PTPRD: variants seen among roughly 807,000 people sequenced by gnomAD.
PTPRD encodes receptor-type tyrosine-protein phosphatase delta.
Under a neutral mutation model 214.5 loss-of-function variants are expected in PTPRD, and 34 were observed. The ratio of observed to expected loss-of-function variants is 0.16; its 90% CI spans 0.12 to 0.21. The LOEUF (loss-of-function observed/expected upper bound fraction) is 0.21, where lower values mean the gene tolerates loss of function less well. PTPRD is among the 10% of genes least tolerant of loss of function. The pLI, the probability that PTPRD is intolerant of heterozygous loss-of-function variation, is 1.00. For synonymous variants in PTPRD, 1,128 were observed against 845.7 expected (o/e 1.33, Z -5.79); for missense variants, 2,545 against 2,398.7 (o/e 1.06, Z -1.27).
intron 34 of PTPRD, among the ~76,000 whole-genome samples, chr9:8,443,936 A>T (rs776950095): frequency 6.6e-6 from 1 of 152,334 alleles, no homozygotes; most frequent in East Asian, 1.9e-4. Flanking sequence ...ATCTTTTAAT[A>T]ATATTATGTT....
chr9:9,089,054 A>C (rs2099771784), intron 10 of PTPRD, among the ~76,000 whole-genome samples: 2 of 152,176 alleles, frequency 1.3e-5, no homozygotes, highest in Admixed American at 6.5e-5. Context: ...AGTAAAAAGA[A>C]GGTCTTTCTC....
At position 9,333,504 on chromosome 9, in the gene PTPRD, T is replaced by TATATATATATATATATATATATATATATA. The variant is rs1555249397; in HGVS notation, c.-203+63944_-203+63945insTATATATATATATATATATATATATATAT. 2.3e-3 allele frequency among the ~76,000 whole-genome samples: 309 copies of TATATATATATATATATATATATATATATA among 137,136 alleles called. 14 individuals carry two copies. The highest frequency in any genetic ancestry group is 8.5e-3 in the African/African-American group (292 of 34,204). 90.0% of individuals were successfully genotyped at this position (137,136 alleles called of 152,430 possible). A position where few individuals can be genotyped will look rare whatever the true frequency, so the allele number is the denominator to read the frequency against. The stretch of plus-strand genomic sequence containing the variant: ...TAAAACATATATATTATATAGTATA[T>TATATATATATATATATATATATATATATA]TATATATATATATATATATATAAAG... On this transcript the variant is annotated intron_variant, in intron 9 of 45. Coordinates refer to ENST00000381196, the MANE Select transcript of PTPRD (RefSeq NM_002839.4).
intron 5 of PTPRD, among the ~76,000 whole-genome samples, chr9:9,865,775 T>C (rs1022389982): frequency 7.9e-5 from 12 of 152,250 alleles, no homozygotes; most frequent in Admixed American, 5.9e-4. Flanking sequence ...CTTGGGTATT[T>C]ATTATAACAT....
At chr9:10,567,693 A>G (rs2066045379) in intron 2 of PTPRD, among the ~76,000 whole-genome samples, 1 of 151,932 alleles carries the variant, frequency 6.6e-6, no homozygotes, top group African/African-American at 2.4e-5. Context: ...CATTGTTTTA[A>G]AAAAACCTTT....
At chr9:10,454,531 G>C (rs1320104936) in intron 2 of PTPRD, among the ~76,000 whole-genome samples, 2 of 151,600 alleles carry the variant, frequency 1.3e-5, no homozygotes, top group East Asian at 3.9e-4. Flanking sequence ...ACTCACAGTA[G>C]ACTATGCCTC....
At chr9:8,453,619 T>C (rs751801701) in intron 33 of PTPRD, among the ~76,000 whole-genome samples, 41 of 152,366 alleles carry the variant, frequency 2.7e-4, no homozygotes, top group Non-Finnish European at 5.3e-4. Context: ...AAGATTCTTA[T>C]CATTGAACAT....
At position 10,497,689 on chromosome 9, in the gene PTPRD, G is replaced by C. The variant is rs531775823; in HGVS notation, c.-600+114709C>G. ...AAATTTTAAGCAAATTTATTGTTGA[G>C]AATATAAAATTATGTTTAAAAAGAA... On this transcript the variant is annotated intron_variant, in intron 2 of 45. Transcript: ENST00000381196. Among the ~76,000 whole-genome samples the C allele has an allele frequency of 3.9e-5, 6 of 151,988 alleles. No individual in the cohort carries two copies. In the South Asian group the frequency reaches 1.2e-3, roughly 32 times the overall value.
intron 10 of PTPRD, among the ~76,000 whole-genome samples, chr9:9,091,575 G>A (rs2099775967): frequency 6.6e-6 from 1 of 152,096 alleles, no homozygotes; most frequent in Non-Finnish European, 1.5e-5. Flanking sequence ...ATAGTAATAA[G>A]CCTATTCAGC....
At chr9:10,209,481 C>T (rs539528813) in intron 3 of PTPRD, among the ~76,000 whole-genome samples, 97 of 152,196 alleles carry the variant, frequency 6.4e-4, no homozygotes, top group Middle Eastern at 3.4e-3. Flanking sequence ...TCAATTCAAA[C>T]TTGTTTCCCT....
intron 10 of PTPRD, among the ~76,000 whole-genome samples, chr9:9,125,168 C>T (rs189401893): frequency 6.6e-6 from 1 of 152,168 alleles, no homozygotes; most frequent in Non-Finnish European, 1.5e-5. Context: ...GAGCAGCTAT[C>T]CTTAGCAGAA....
chr9:10,497,283 C>T (rs1158784774), intron 2 of PTPRD, among the ~76,000 whole-genome samples: 1 of 151,868 alleles, frequency 6.6e-6, no homozygotes, highest in East Asian at 1.9e-4. Context: ...TACCTGTATC[C>T]CTGTATCTAA....
chr9:9,560,827 T>C (rs1263271813), intron 8 of PTPRD, among the ~76,000 whole-genome samples: 1 of 152,146 alleles, frequency 6.6e-6, no homozygotes. Flanking sequence ...CGCCCTGTCT[T>C]GGCTGCTTGA....
chr9:8,739,732 C>A (rs1044707339), intron 11 of PTPRD, among the ~76,000 whole-genome samples: 20 of 152,268 alleles, frequency 1.3e-4, no homozygotes, highest in African/African-American at 4.3e-4. Flanking sequence ...TGACTGTGTC[C>A]CCACCCAAAT....
intron 3 of PTPRD, among the ~76,000 whole-genome samples, chr9:10,339,547 C>T (rs1175517160): frequency 2.6e-5 from 4 of 151,726 alleles, no homozygotes; most frequent in African/African-American, 4.8e-5. Context: ...CTCTCCCTTA[C>T]TTGACAGGGA....
intron 10 of PTPRD, among the ~76,000 whole-genome samples, chr9:9,098,415 C>G (rs2154437259): frequency 6.6e-6 from 1 of 152,142 alleles, no homozygotes; most frequent in South Asian, 2.1e-4. Context: ...CACCACCACA[C>G]CTGGCTAATT....
intron 10 of PTPRD, chr9:9,091,067 G>A: frequency 1.3e-6 from 2 of 1,511,350 alleles, no homozygotes; most frequent in Non-Finnish European, 9.1e-7. Flanking sequence ...TCTGAAGCGA[G>A]CGTCTTCGAT....
At chr9:9,387,834 T>C (rs1400460344) in intron 9 of PTPRD, among the ~76,000 whole-genome samples, 1 of 152,132 alleles carries the variant, frequency 6.6e-6, no homozygotes, top group Non-Finnish European at 1.5e-5. Flanking sequence ...ATGTCTGTGG[T>C]AAAAATGAAT....
chr9:9,334,871 C>A (rs949406285), intron 9 of PTPRD, among the ~76,000 whole-genome samples: 11 of 151,726 alleles, frequency 7.2e-5, no homozygotes, highest in African/African-American at 2.4e-4. Flanking sequence ...GGTAAGAAAT[C>A]AACATTAGAT....
chr9:9,889,178 G>A (rs1357335293), intron 5 of PTPRD, among the ~76,000 whole-genome samples: 2 of 151,968 alleles, frequency 1.3e-5, no homozygotes, highest in African/African-American at 2.4e-5. Context: ...TTTTAGACAG[G>A]AGGAGAATTA....
Sources: gnomAD v4.1 joint callset for allele counts (sites outside exome capture counted in the v4.1 genomes callset) on GRCh38, gnomAD v4.1.1 for gene constraint, MANE v1.5 for transcripts, NCBI Gene and HGNC (gene_info 2026-07-23, HGNC 2026-07-21) for gene names.